The following ZNF385D variants were observed in gnomAD, a reference collection of about 807,000 sequenced individuals.
ZNF385D encodes zinc finger protein 385D.
ZNF385D carries 15 observed loss-of-function variants against 35.8 expected under a neutral mutation model. The observed-to-expected ratio is 0.42, with a 90% confidence interval of 0.28 to 0.64. The LOEUF is 0.64. ZNF385D is among the 30% of genes least tolerant of loss of function. The probability of loss-of-function intolerance (pLI) is 0.23; values close to 1 mark genes in which losing one functional copy is unlikely to be tolerated. For synonymous variants in ZNF385D, 212 were observed against 186.8 expected, an observed-to-expected ratio of 1.13 and a Z score of -1.10; for missense variants, 474 against 494.6, an observed-to-expected ratio of 0.96 and a Z score of 0.39.
intron 3 of ZNF385D, among the ~76,000 whole-genome samples, chr3:21,988,240 G>A (rs987336120): frequency 1.3e-4 from 16 of 124,832 alleles, no homozygotes; most frequent in Admixed American, 3.8e-4. Flanking sequence ...AGGAGGAGAG[G>A]CGCTCTGCGT....
intron 3 of ZNF385D, among the ~76,000 whole-genome samples, chr3:21,914,711 A>C (rs990570797): frequency 2.0e-5 from 3 of 152,050 alleles, no homozygotes; most frequent in African/African-American, 7.2e-5. Flanking sequence ...GTGAAATATA[A>C]AATTATGAAT....
At chr3:21,879,745 T>G (rs1698178766) in intron 3 of ZNF385D, among the ~76,000 whole-genome samples, 1 of 152,120 alleles carries the variant, frequency 6.6e-6, no homozygotes, top group African/African-American at 2.4e-5. Flanking sequence ...GAGTCCTCAT[T>G]TGGAGAGTTA....
chr3:22,132,045 C>T (rs1703828842), intron 3 of ZNF385D, among the ~76,000 whole-genome samples: 1 of 152,036 alleles, frequency 6.6e-6, no homozygotes, highest in Admixed American at 6.6e-5. Flanking sequence ...ACATTTTGTT[C>T]ATCAATTGAT....
chr3:21,697,523 G>T (rs2125368359), intron 1 of ZNF385D, among the ~76,000 whole-genome samples: 1 of 152,158 alleles, frequency 6.6e-6, no homozygotes, highest in African/African-American at 2.4e-5. Flanking sequence ...GTCCTATATG[G>T]CTATTGAATA....
At chr3:22,003,005 G>A (rs182024018) in intron 3 of ZNF385D, among the ~76,000 whole-genome samples, 3 of 152,130 alleles carry the variant, frequency 2.0e-5, no homozygotes, top group Non-Finnish European at 4.4e-5. Flanking sequence ...TTTTCTCTAA[G>A]AACTAGAATA....
chr3:22,109,061 C>T (rs912347734), intron 3 of ZNF385D, among the ~76,000 whole-genome samples: 2 of 152,046 alleles, frequency 1.3e-5, no homozygotes, highest in Non-Finnish European at 2.9e-5. Flanking sequence ...AGACGAACGA[C>T]GCAATACATA....
intron 2 of ZNF385D, among the ~76,000 whole-genome samples, chr3:22,298,551 A>G (rs1468609461): frequency 2.2e-5 from 3 of 139,398 alleles, no homozygotes; most frequent in Admixed American, 7.4e-5. Flanking sequence ...ATTTATGTAT[A>G]TACACACATA....
intron 3 of ZNF385D, among the ~76,000 whole-genome samples, chr3:22,100,583 G>T (rs984209442): frequency 8.0e-5 from 12 of 149,538 alleles, no homozygotes; most frequent in African/African-American, 3.0e-4. Context: ...CTATCACAAG[G>T]ACAAAAAACC....
chr3:22,267,719 G>C (rs181649493), intron 2 of ZNF385D, among the ~76,000 whole-genome samples: 5 of 151,812 alleles, frequency 3.3e-5, no homozygotes, highest in Non-Finnish European at 5.9e-5. Flanking sequence ...TCCCATGTTA[G>C]AATGATGCGT....
At chr3:21,918,730 C>T (rs982043583) in intron 3 of ZNF385D, among the ~76,000 whole-genome samples, 3 of 152,128 alleles carry the variant, frequency 2.0e-5, no homozygotes, top group African/African-American at 7.2e-5. Context: ...AATTCTATAA[C>T]ATGGTGTTTG....
chr3:22,066,189 T>C (rs1439028263), intron 3 of ZNF385D, among the ~76,000 whole-genome samples: 1 of 151,956 alleles, frequency 6.6e-6, no homozygotes, highest in East Asian at 1.9e-4. Context: ...ATTCAATAAA[T>C]TAGAGTCAAA....
intron 3 of ZNF385D, among the ~76,000 whole-genome samples, chr3:21,888,955 C>G (rs984443891): frequency 4.6e-5 from 7 of 152,164 alleles, no homozygotes; most frequent in Non-Finnish European, 1.0e-4. Context: ...TCTCCTTACA[C>G]CAATAAAAGA....
In ZNF385D at chr3:21,880,869, A is replaced by G. The variant is rs77662473; in HGVS notation, c.326-215841T>C. Among the ~76,000 whole-genome samples, 3 of 152,106 alleles carry G rather than the reference A, an allele frequency of 2.0e-5. 1 individual carries two copies. In the South Asian group the frequency reaches 6.2e-4, roughly 32 times the overall value. ...AAAGCCAAACAGCCTTATTGCTGAT[A>G]CGAAGAAAGTTTTGGTGGTCTGGAT... On this transcript the variant is annotated intron_variant, in intron 3 of 5. Coordinates refer to the ZNF385D transcript ENST00000494108.
At chr3:21,780,531 TTTC>T (rs1054092084) in intron 3 of ZNF385D, among the ~76,000 whole-genome samples, 43 of 152,226 alleles carry the variant, frequency 2.8e-4, no homozygotes, top group African/African-American at 9.6e-4. Context: ...ATACATTTTC[TTTC>T]TTAATTTTCA....
intron 2 of ZNF385D, among the ~76,000 whole-genome samples, chr3:22,274,868 T>C (rs989537144): frequency 6.6e-6 from 1 of 151,782 alleles, no homozygotes; most frequent in Non-Finnish European, 1.5e-5. Context: ...AACTGAAGAA[T>C]AACAGGGATA....
At chr3:22,213,590 GC>G (rs1055051050) in intron 2 of ZNF385D, among the ~76,000 whole-genome samples, 2 of 152,048 alleles carry the variant, frequency 1.3e-5, no homozygotes, top group Non-Finnish European at 2.9e-5. Flanking sequence ...GATCCAGTAT[GC>G]AAAGTTGAAA....
chr3:21,890,154 C>A (rs77358585), intron 3 of ZNF385D, among the ~76,000 whole-genome samples: 1 of 152,164 alleles, frequency 6.6e-6, no homozygotes, highest in East Asian at 1.9e-4. Flanking sequence ...CCCATAACAT[C>A]CTACAAACCC....
chr3:21,711,038 A>ATTTTTTTTT lies in ZNF385D; in HGVS notation c.22+39856_22+39857insAAAAAAAAA, dbSNP rs562190313. On this transcript the variant is annotated intron_variant, in intron 1 of 7. Transcript: ENST00000281523. ...GTCTTAATTTCCTTATCCCTCTAAA[A>ATTTTTTTTT]GTTTTTTTTTTTTTTTTTTTTGAGA... 1.7e-3 allele frequency among the ~76,000 whole-genome samples: 94 copies of ATTTTTTTTT among 55,756 alleles called. 1 individual carries two copies. Among genetic ancestry groups the ATTTTTTTTT allele is most frequent in the Non-Finnish European group, 2.1e-3 (59 of 28,696 alleles). The allele number at this position is 55,756 out of a possible 152,430, so 36.6% of individuals were successfully genotyped here. A position where few individuals can be genotyped will look rare whatever the true frequency, so the allele number is the denominator to read the frequency against.
chr3:21,499,345 G>A (rs1004235559), intron 4 of ZNF385D, among the ~76,000 whole-genome samples: 4 of 152,096 alleles, frequency 2.6e-5, no homozygotes, highest in African/African-American at 7.2e-5. Flanking sequence ...GGATGGAGGC[G>A]GGGGCCATTA....
Sources: gnomAD v4.1 joint callset for allele counts (sites outside exome capture counted in the v4.1 genomes callset) on GRCh38, gnomAD v4.1.1 for gene constraint, MANE v1.5 for transcripts, NCBI Gene and HGNC (gene_info 2026-07-23, HGNC 2026-07-21) for gene names.